FER: variants seen among roughly 807,000 people sequenced by gnomAD.
The protein encoded by FER is FER tyrosine kinase.
In FER, 63 loss-of-function variants were observed where a neutral mutation model predicts 111.0. That is an observed-to-expected ratio of 0.57 (90% CI 0.46 to 0.70). The LOEUF (loss-of-function observed/expected upper bound fraction) is 0.70, where lower values mean the gene tolerates loss of function less well. Among genes scored for constraint, FER ranks in the 30% least tolerant of loss-of-function variants. The pLI is 0.00. For synonymous variants in FER, 327 were observed against 313.9 expected, an observed-to-expected ratio of 1.04 and a Z score of -0.44; for missense variants, 914 against 954.0, an observed-to-expected ratio of 0.96 and a Z score of 0.55.
At chr5:109,065,377 GA>G (rs1290966254) in intron 16 of FER, among the ~76,000 whole-genome samples, 1 of 152,036 alleles carries the variant, frequency 6.6e-6, no homozygotes, top group African/African-American at 2.4e-5. Context: ...CTATTATGTA[GA>G]AACCAAATAA....
At chr5:109,113,693 C>A (rs1480751798) in intron 17 of FER, among the ~76,000 whole-genome samples, 2 of 152,060 alleles carry the variant, frequency 1.3e-5, no homozygotes, top group African/African-American at 2.4e-5. Context: ...TAGCACTATG[C>A]CTGGCGCATA....
intron 17 of FER, among the ~76,000 whole-genome samples, chr5:109,139,193 C>T (rs765592095): frequency 1.2e-4 from 19 of 152,060 alleles, no homozygotes; most frequent in Admixed American, 5.9e-4. Context: ...ATAGGAGTCT[C>T]AGGTCTTTTC....
chr5:108,847,741 T>C (rs991496192), intron 5 of FER, among the ~76,000 whole-genome samples: 7 of 152,228 alleles, frequency 4.6e-5, no homozygotes, highest in African/African-American at 1.7e-4. Context: ...ACCTGACTAC[T>C]TTATTATTAT....
intron 3 of FER, among the ~76,000 whole-genome samples, chr5:108,828,070 A>T (rs936387716): frequency 1.1e-4 from 16 of 152,040 alleles, no homozygotes; most frequent in Non-Finnish European, 2.4e-4. Context: ...CTGTCTTGCT[A>T]CATTGCCCAG....
intron 10 of FER, among the ~76,000 whole-genome samples, chr5:108,941,487 C>T (rs977865149): frequency 1.3e-5 from 2 of 152,096 alleles, no homozygotes; most frequent in Non-Finnish European, 2.9e-5. Flanking sequence ...TACAAAAATG[C>T]TTAGGGATGT....
At chr5:108,914,911 G>A (rs1458230032) in intron 10 of FER, among the ~76,000 whole-genome samples, 5 of 152,292 alleles carry the variant, frequency 3.3e-5, no homozygotes, top group Non-Finnish European at 7.4e-5. Flanking sequence ...TTGGAAAGAA[G>A]AACTCATTTC....
chr5:109,116,185 G>C (rs928636681), intron 17 of FER, among the ~76,000 whole-genome samples: 2 of 152,048 alleles, frequency 1.3e-5, no homozygotes, highest in Admixed American at 1.3e-4. Context: ...GTGTCCCGAA[G>C]AGGTCGCCAT....
At chr5:108,968,699 G>A (rs1393336696) in intron 13 of FER, among the ~76,000 whole-genome samples, 1 of 151,890 alleles carries the variant, frequency 6.6e-6, no homozygotes, top group Non-Finnish European at 1.5e-5. Context: ...ATAAAGGAAT[G>A]AATTAGAAAA....
chr5:108,794,565 C>A (rs1755804081), intron 2 of FER, among the ~76,000 whole-genome samples: 1 of 133,284 alleles, frequency 7.5e-6, no homozygotes, highest in Non-Finnish European at 1.6e-5. Flanking sequence ...TCTTATAGGA[C>A]TAGTGTGGTG....
At chr5:108,766,648 T>G (rs1752355341) in intron 1 of FER, among the ~76,000 whole-genome samples, 1 of 152,240 alleles carries the variant, frequency 6.6e-6, no homozygotes, top group Admixed American at 6.5e-5. Context: ...CCTGACATAC[T>G]GTGTTTGATC....
intron 17 of FER, among the ~76,000 whole-genome samples, chr5:109,148,705 G>T (rs1754499417): frequency 6.6e-6 from 1 of 152,096 alleles, no homozygotes; most frequent in African/African-American, 2.4e-5. Flanking sequence ...CAGTTACTTG[G>T]ATAATTTCCT....
At chr5:108,908,251 A>G (rs868485129) in intron 10 of FER, among the ~76,000 whole-genome samples, 1 of 152,220 alleles carries the variant, frequency 6.6e-6, no homozygotes, top group Admixed American at 6.5e-5. Flanking sequence ...AGATATTTAA[A>G]TGCATGGCTA....
intron 5 of FER, among the ~76,000 whole-genome samples, chr5:108,854,480 A>G (rs72791994): frequency 0.019 from 2,948 of 152,282 alleles, 56 homozygotes; most frequent in Non-Finnish European, 0.028. Context: ...TCAGCTAAGA[A>G]CCTGTGCCTT....
At chr5:108,883,665 A>C in intron 9 of FER, 147 bp downstream of exon 9, 1 of 641,252 alleles carries the variant, frequency 1.6e-6, no homozygotes, top group Non-Finnish European at 2.3e-6. Flanking sequence ...AATTTCTAGG[A>C]TTCTGGAAAA....
intron 17 of FER, among the ~76,000 whole-genome samples, chr5:109,159,969 A>G (rs943794348): frequency 2.6e-5 from 4 of 152,086 alleles, no homozygotes; most frequent in Non-Finnish European, 4.4e-5. Flanking sequence ...GAGAAAGACT[A>G]CATTTGGTGG....
At chr5:108,932,081 GTACATAGGTA>G (rs1289236904) in intron 10 of FER, among the ~76,000 whole-genome samples, 3 of 151,508 alleles carry the variant, frequency 2.0e-5, no homozygotes, top group Admixed American at 2.0e-4. Context: ...GTGCAGGTTT[GTACATAGGTA>G]TACACATGCC....
At position 108,879,702 on chromosome 5, in the gene FER, ATATATATAT is replaced by A. The variant is rs1187187592; in HGVS notation, c.924-3693_924-3685del. On this transcript the variant is annotated intron_variant, in intron 8 of 19. Transcript: ENST00000281092. ...TGTATTTTTTTTAGATTAAAAAAAA[ATATATATAT>A]ATATATATATATATTTGAGGCAAAG... is the stretch of plus-strand genomic sequence containing the variant. Among the ~76,000 whole-genome samples, 187 of 91,008 alleles carry A rather than the reference ATATATATAT, an allele frequency of 2.1e-3. 8 individuals are homozygous for A. The highest frequency in any genetic ancestry group is 0.013 in the African/African-American group (165 of 12,986). 59.7% of individuals were successfully genotyped at this position (91,008 alleles called of 152,430 possible). A position where few individuals can be genotyped will look rare whatever the true frequency, so the allele number is the denominator to read the frequency against.
chr5:108,794,528 C>CA (rs1014323300), intron 2 of FER, among the ~76,000 whole-genome samples: 13 of 68,848 alleles, frequency 1.9e-4, no homozygotes, highest in Non-Finnish European at 2.5e-4. Context: ...CCCTCCGCAC[C>CA]CCCCCCCCTC....
intron 17 of FER, among the ~76,000 whole-genome samples, chr5:109,147,872 A>G (rs1754415788): frequency 1.3e-5 from 2 of 151,654 alleles, no homozygotes. Flanking sequence ...ATATTGAGTG[A>G]TATTTTTAGT....
Sources: allele counts gnomAD v4.1 joint callset (sites outside exome capture counted in the v4.1 genomes callset), GRCh38; gene constraint gnomAD v4.1.1; transcripts MANE v1.5; gene names NCBI Gene and HGNC (gene_info 2026-07-23, HGNC 2026-07-21).